The following SH3KBP1 variants were observed in gnomAD, a reference collection of about 807,000 sequenced individuals.
The protein encoded by SH3KBP1 is SH3 domain containing kinase binding protein 1.
Under a neutral mutation model 50.1 loss-of-function variants are expected in SH3KBP1, and 8 were observed. The ratio of observed to expected loss-of-function variants is 0.16; its 90% CI spans 0.09 to 0.29. The LOEUF (loss-of-function observed/expected upper bound fraction) is 0.29, where lower values mean the gene tolerates loss of function less well. SH3KBP1 is among the 10% of genes least tolerant of loss of function. The pLI is 1.00. For synonymous variants in SH3KBP1, 227 were observed against 218.6 expected, an observed-to-expected ratio of 1.04 and a Z score of -0.34; for missense variants, 377 against 535.2, an observed-to-expected ratio of 0.70 and a Z score of 2.92.
intron 2 of SH3KBP1, among the ~76,000 whole-genome samples, chrX:19,826,707 T>A (rs2067688084): frequency 9.4e-6 from 1 of 106,022 alleles, no homozygotes; most frequent in African/African-American, 3.5e-5. Flanking sequence ...TAACATAACA[T>A]AACATAACAT....
intron 8 of SH3KBP1, among the ~76,000 whole-genome samples, chrX:19,619,573 C>A (rs1313714411): frequency 9.0e-6 from 1 of 111,231 alleles, no homozygotes; most frequent in Non-Finnish European, 1.9e-5. Flanking sequence ...ATCACTTGAG[C>A]TCAGGAGTTT....
intron 17 of SH3KBP1, among the ~76,000 whole-genome samples, chrX:19,537,284 C>T (rs1349042635): frequency 9.1e-6 from 1 of 110,241 alleles, no homozygotes; most frequent in Non-Finnish European, 1.9e-5. Context: ...CAGTGAAACC[C>T]CGTCTCTACT....
At chrX:19,851,678 T>A (rs1294860296) in intron 1 of SH3KBP1, among the ~76,000 whole-genome samples, 2 of 111,959 alleles carry the variant, frequency 1.8e-5, no homozygotes, top group Non-Finnish European at 3.8e-5. Flanking sequence ...CTGGGACTAC[T>A]GGCACCTGCC....
intron 5 of SH3KBP1, among the ~76,000 whole-genome samples, chrX:19,684,602 T>C (rs1484408257): frequency 8.9e-6 from 1 of 112,685 alleles, no homozygotes; most frequent in Non-Finnish European, 1.9e-5. Context: ...CATGCAGACA[T>C]GTTTCTCTAG....
intron 13 of SH3KBP1, among the ~76,000 whole-genome samples, chrX:19,565,243 G>A (rs2065810386): frequency 9.2e-6 from 1 of 108,341 alleles, no homozygotes. Context: ...TGTATTTTTA[G>A]TAGAGACAGG....
intron 3 of SH3KBP1, chrX:19,707,203 T>C (rs1025105069): frequency 4.0e-6 from 2 of 502,115 alleles, no homozygotes; most frequent in African/African-American, 4.6e-5. Flanking sequence ...CAGAAAGGCA[T>C]GGATATGAGA....
intron 2 of SH3KBP1, among the ~76,000 whole-genome samples, chrX:19,796,379 G>A (rs192862334): frequency 3.6e-5 from 4 of 112,095 alleles, no homozygotes; most frequent in African/African-American, 1.3e-4. Context: ...GGTGTAAGGT[G>A]TCAGTGAGCT....
chrX:19,695,793 G>A, intron 4 of SH3KBP1, 52 bp from the exon 5 acceptor site: 3 of 1,181,469 alleles, frequency 2.5e-6, no homozygotes, highest in Middle Eastern at 2.3e-4. Flanking sequence ...GTTAGACATG[G>A]TGGTTTCCAA....
chrX:19,809,638 A>G (rs891436837), intron 2 of SH3KBP1, among the ~76,000 whole-genome samples: 8 of 112,860 alleles, frequency 7.1e-5, no homozygotes, highest in Admixed American at 6.5e-4. Flanking sequence ...TTTATAAATC[A>G]AAGTATATGA....
chrX:19,744,364 A>G (rs1203547955), intron 3 of SH3KBP1, among the ~76,000 whole-genome samples: 1 of 111,870 alleles, frequency 8.9e-6, no homozygotes, highest in African/African-American at 3.3e-5. Flanking sequence ...AAGGCCAATC[A>G]ATCTACCCCC....
intron 1 of SH3KBP1, among the ~76,000 whole-genome samples, chrX:19,836,908 T>G (rs1309227648): frequency 1.8e-5 from 2 of 111,588 alleles, no homozygotes; most frequent in Admixed American, 1.9e-4. Context: ...TATAAGGGAC[T>G]TTTCCCCCTT....
chrX:19,753,992 A>T (rs1359233381), intron 2 of SH3KBP1, among the ~76,000 whole-genome samples: 1 of 112,417 alleles, frequency 8.9e-6, no homozygotes, highest in Middle Eastern at 4.2e-3. Flanking sequence ...TTTGATATAT[A>T]CTCATAAATA....
At chrX:19,836,006 C>A in intron 2 of SH3KBP1, 119 bp downstream of exon 2, 2 of 658,002 alleles carry the variant, frequency 3.0e-6, no homozygotes, top group Non-Finnish European at 4.7e-6. Context: ...CTTGATATCA[C>A]AGAGGAGGGC....
chrX:19,695,271 A>T (rs1373124534), intron 5 of SH3KBP1, among the ~76,000 whole-genome samples: 1 of 111,797 alleles, frequency 8.9e-6, no homozygotes. Flanking sequence ...AAATACTGAC[A>T]ATCCCATTTG....
At chrX:19,879,006 A>G (rs4528057) in intron 1 of SH3KBP1, among the ~76,000 whole-genome samples, 36,757 of 111,796 alleles carry the variant, frequency 0.33, 7,879 homozygotes, top group African/African-American at 0.8. Context: ...TGCTTTGGGA[A>G]GCCAAGGCAG....
At chrX:19,650,541 A>G (rs1250725608) in intron 6 of SH3KBP1, among the ~76,000 whole-genome samples, 1 of 104,712 alleles carries the variant, frequency 9.6e-6, no homozygotes, top group Admixed American at 1.0e-4. Context: ...CCCCCAACAC[A>G]TGGGGATTAC....
chrX:19,722,296 C>T (rs936018153), intron 3 of SH3KBP1, among the ~76,000 whole-genome samples: 1 of 111,609 alleles, frequency 9.0e-6, no homozygotes, highest in Non-Finnish European at 1.9e-5. Context: ...GAGCTCAATG[C>T]CCATGATTTC....
chrX:19,745,352 C>T (rs1244323461), intron 3 of SH3KBP1, among the ~76,000 whole-genome samples: 2 of 112,220 alleles, frequency 1.8e-5, no homozygotes, highest in East Asian at 5.6e-4. Context: ...GAGGAAGAGA[C>T]AGAAAGGAAG....
chrX:19,655,398 A>C lies in SH3KBP1; in HGVS notation c.727-9923T>G, dbSNP rs748385236. Among the ~76,000 whole-genome samples the C allele has an allele frequency of 1.2e-4, 13 of 111,883 alleles. No individual in the cohort carries two copies. The South Asian group carries it at 3.7e-3, about 32-fold the overall frequency. ...CAGCAGAAGCACTATTCACAATAGC[A>C]AAGTCATGGAATCAACCCAAGTGCT... On this transcript the variant is annotated intron_variant, in intron 6 of 17. Transcript: ENST00000397821.
Sources: allele counts gnomAD v4.1 joint callset (sites outside exome capture counted in the v4.1 genomes callset), GRCh38; gene constraint gnomAD v4.1.1; transcripts MANE v1.5; gene names NCBI Gene and HGNC (gene_info 2026-07-23, HGNC 2026-07-21).